Variants in CRHR1 observed in about 807,000 individuals in gnomAD.
The protein encoded by CRHR1 is corticotropin releasing hormone receptor 1.
In CRHR1, 28 loss-of-function variants were observed where a neutral mutation model predicts 56.0. That is an observed-to-expected ratio of 0.50 (90% CI 0.37 to 0.69). CRHR1 has a LOEUF of 0.69. Among genes scored for constraint, CRHR1 ranks in the 30% least tolerant of loss-of-function variants. The pLI is 0.00. For synonymous variants in CRHR1, 195 were observed against 216.5 expected (o/e 0.90, Z 0.87); for missense variants, 376 against 548.0 (o/e 0.69, Z 3.13).
At chr17:45,791,072 C>T (rs2061417051) in intron 1 of CRHR1, among the ~76,000 whole-genome samples, 1 of 152,196 alleles carries the variant, frequency 6.6e-6, no homozygotes, top group South Asian at 2.1e-4. Flanking sequence ...CCATCCACCT[C>T]TCCCTCCCTG....
intron 1 of CRHR1, among the ~76,000 whole-genome samples, chr17:45,791,833 T>TTTTC (rs945864453): frequency 5.8e-4 from 74 of 127,210 alleles, no homozygotes; most frequent in African/African-American, 2.0e-3. Context: ...CTCTCTCTCT[T>TTTTC]TCTCTCTCTC....
Position 45,784,540 on chromosome 17 carries a change from C to G in CRHR1, c.-5C>G, listed in dbSNP as rs371192812. The stretch of plus-strand genomic sequence containing the variant: ...ATTCAGGACGGTAGCCGAGCGAGCC[C>G]GAGGATGGGAGGGCACCCGCAGCTC... On this transcript the variant is annotated 5_prime_UTR_variant, in exon 1 of 13. Transcript: ENST00000314537. This position sits in a 1 kb window ranked among gnomAD's most constrained non-coding sequence, Gnocchi z 4.2. The G allele has an allele frequency of 1.8e-4, 272 of 1,552,156 alleles. No homozygotes were observed. The African/African-American group carries it at 3.5e-3, about 20-fold the overall frequency.
At chr17:45,828,600 T>A (rs907487654) in intron 4 of CRHR1, among the ~76,000 whole-genome samples, 2 of 152,194 alleles carry the variant, frequency 1.3e-5, no homozygotes, top group African/African-American at 4.8e-5. Context: ...TCTGCACAGA[T>A]CCCCTTGGGC....
rs1294943320 is a variant in CRHR1, at chr17:45,834,624, G to A, written c.1108G>A (p.Val370Ile). The A allele has an allele frequency of 2.5e-6, 4 of 1,609,794 alleles. No homozygotes were observed. Among genetic ancestry groups the A allele is most frequent in the Non-Finnish European group, 2.5e-6 (3 of 1,177,974 alleles). ...SVFYCFLNSE[V>I]RSAIRKRWHR... is the part of the protein sequence containing the mutation. ...GTCGTGCTCCTCCCTGTGCCCACAG[G>A]TCCGTTCTGCCATCCGGAAGAGGTG... Residue 370 changes from valine (V) to isoleucine (I), a missense_variant and splice_region_variant, in exon 13 of 13, where the codon GTC becomes ATC. Coordinates refer to ENST00000314537, the MANE Select transcript of CRHR1 (RefSeq NM_004382.5).
At chr17:45,808,602 T>G (rs1261556258) in intron 2 of CRHR1, among the ~76,000 whole-genome samples, 1 of 152,222 alleles carries the variant, frequency 6.6e-6, no homozygotes, top group Admixed American at 6.5e-5. Flanking sequence ...AACTGTAAAC[T>G]GTAGAGTGTC....
Position 45,823,075 on chromosome 17 carries a change from C to T in CRHR1, c.327+1635C>T, listed in dbSNP as rs181397940. Among the ~76,000 whole-genome samples, 1,018 of 149,194 alleles carry T rather than the reference C, an allele frequency of 6.8e-3. 11 individuals are homozygous for T. Among genetic ancestry groups the T allele is most frequent in the African/African-American group, 0.024 (970 of 40,480 alleles). On this transcript the variant is annotated intron_variant, in intron 4 of 12. Transcript: ENST00000314537. ...AGGAGAATCACTTGAACCAGGGAGG[C>T]GGAGGTTGCAGTGAGCCCAGATCGC...
chr17:45,801,054 A>G (rs774884306), intron 1 of CRHR1, among the ~76,000 whole-genome samples: 1 of 152,194 alleles, frequency 6.6e-6, no homozygotes, highest in Non-Finnish European at 1.5e-5. Context: ...CCTTTGTACC[A>G]AAATCACACT....
chr17:45,803,198 C>G (rs549821830), intron 1 of CRHR1, among the ~76,000 whole-genome samples: 15 of 152,078 alleles, frequency 9.9e-5, no homozygotes, highest in African/African-American at 3.6e-4. Flanking sequence ...GAGAAGGATC[C>G]CAGATACTGG....
At chr17:45,796,978 T>C (rs148132224) in intron 1 of CRHR1, among the ~76,000 whole-genome samples, 1 of 152,186 alleles carries the variant, frequency 6.6e-6, no homozygotes, top group Non-Finnish European at 1.5e-5. Context: ...GAGGCAGAAA[T>C]GAAGGGAAGA....
chr17:45,833,663 C>A, intron 10 of CRHR1, 51 bp from the exon 11 acceptor site: 5 of 1,605,716 alleles, frequency 3.1e-6, no homozygotes, highest in Non-Finnish European at 2.6e-6. Context: ...AGCGGGCAGC[C>A]CGTCCTGGGG....
At chr17:45,812,755 C>T (rs2061847401) in intron 2 of CRHR1, among the ~76,000 whole-genome samples, 2 of 152,148 alleles carry the variant, frequency 1.3e-5, no homozygotes, top group African/African-American at 4.8e-5. Flanking sequence ...TCTTCTTCTC[C>T]ATCTTTTTTC....
In CRHR1 at chr17:45,834,940, A is replaced by G; in HGVS notation, c.*176A>G. On this transcript the variant is annotated 3_prime_UTR_variant, in exon 13 of 13. Coordinates refer to ENST00000314537, the MANE Select transcript of CRHR1 (RefSeq NM_004382.5). ...TCCCCCTGCAGCCGTGCAGGACTCT[A>G]GCTCATGAGTGGAAAGTCACCTACA... 1 of 842,884 alleles carries G rather than the reference A, an allele frequency of 1.2e-6. No homozygotes were observed. Among genetic ancestry groups the G allele is most frequent in the Non-Finnish European group, 1.8e-6 (1 of 556,368 alleles). 52.2% of individuals were successfully genotyped at this position (842,884 alleles called of 1,614,324 possible). A position where few individuals can be genotyped will look rare whatever the true frequency, so the allele number is the denominator to read the frequency against.
intron 1 of CRHR1, among the ~76,000 whole-genome samples, chr17:45,796,882 GC>G (rs2061527246): frequency 6.6e-6 from 1 of 152,188 alleles, no homozygotes; most frequent in South Asian, 2.1e-4. Context: ...GAGGCAGGAG[GC>G]CGAGAAGGCA....
chr17:45,817,965 G>A (rs1003659680), intron 3 of CRHR1, among the ~76,000 whole-genome samples: 2 of 152,204 alleles, frequency 1.3e-5, no homozygotes, highest in African/African-American at 2.4e-5. Flanking sequence ...ATCGGAGGTC[G>A]CAGAGCCTGG....
chr17:45,801,533 G>C (rs928629649), intron 1 of CRHR1, among the ~76,000 whole-genome samples: 2 of 152,218 alleles, frequency 1.3e-5, no homozygotes, highest in Non-Finnish European at 2.9e-5. Flanking sequence ...GCTCTTTGGT[G>C]AGTGGAGAGA....
chr17:45,832,843 C>T (rs551128619), intron 8 of CRHR1, among the ~76,000 whole-genome samples: 4 of 152,368 alleles, frequency 2.6e-5, no homozygotes, highest in East Asian at 1.9e-4. Context: ...GATGCAGCCT[C>T]GTGTTGGGCC....
At chr17:45,788,062 C>T (rs949040958) in intron 1 of CRHR1, among the ~76,000 whole-genome samples, 3 of 152,266 alleles carry the variant, frequency 2.0e-5, no homozygotes, top group African/African-American at 7.2e-5. Flanking sequence ...TTCTCACCCT[C>T]TCTAACATTT....
intron 2 of CRHR1, among the ~76,000 whole-genome samples, chr17:45,814,653 C>T (rs1209837381): frequency 6.6e-6 from 1 of 152,248 alleles, no homozygotes; most frequent in Non-Finnish European, 1.5e-5. Context: ...GTCCCTGTCC[C>T]CGGGCTCAAC....
rs41280114 is a variant in CRHR1, at chr17:45,821,400, G to A, written c.287G>A (p.Arg96His). 2.8e-5 allele frequency: 45 copies of A among 1,613,218 alleles called. No homozygotes were observed. Among genetic ancestry groups the A allele is most frequent in the South Asian group, 3.3e-5 (3 of 91,096 alleles). ...ECLANGSWAA[R>H]VNYSECQEIL... The stretch of plus-strand genomic sequence containing the variant: ...CTGGCCAATGGCAGCTGGGCCGCCC[G>A]CGTGAATTACTCCGAGTGCCAGGAG... Residue 96 changes from arginine to histidine, a missense_variant, in exon 4 of 13, where the codon CGC becomes CAC. Around this residue, in one of 2 missense-constraint regions of CRHR1, gnomAD observed 369 missense variants for 519.5 expected, o/e 0.71. Transcript: ENST00000314537.
Sources: allele counts gnomAD v4.1 joint callset (sites outside exome capture counted in the v4.1 genomes callset), GRCh38; gene constraint gnomAD v4.1.1; regional missense constraint gnomAD v4.1.1; non-coding constraint Gnocchi (gnomAD v3.1); transcripts MANE v1.5; gene names NCBI Gene and HGNC (gene_info 2026-07-23, HGNC 2026-07-21).